Variants in LRRTM4 observed in about 807,000 individuals in gnomAD.
LRRTM4 encodes leucine-rich repeat transmembrane neuronal protein 4.
LRRTM4 carries 25 observed loss-of-function variants against 47.6 expected under a neutral mutation model. That is an observed-to-expected ratio of 0.53 (90% CI 0.38 to 0.73). LRRTM4 has a LOEUF of 0.73. Among genes scored for constraint, LRRTM4 ranks in the 30% least tolerant of loss-of-function variants. The pLI, the probability that LRRTM4 is intolerant of heterozygous loss-of-function variation, is 0.00. For missense variants in LRRTM4, 638 were observed against 713.4 expected, an observed-to-expected ratio of 0.89 and a Z score of 1.20; for synonymous variants, 311 against 269.5, an observed-to-expected ratio of 1.15 and a Z score of -1.51.
intron 3 of LRRTM4, among the ~76,000 whole-genome samples, chr2:76,932,908 A>G (rs1480787401): frequency 6.6e-6 from 1 of 152,128 alleles, no homozygotes; most frequent in Non-Finnish European, 1.5e-5. Flanking sequence ...GGTTTGTTAC[A>G]TAGGTATACA....
At chr2:77,039,118 T>G (rs1678941111) in intron 3 of LRRTM4, among the ~76,000 whole-genome samples, 1 of 151,268 alleles carries the variant, frequency 6.6e-6, no homozygotes, top group African/African-American at 2.4e-5. Context: ...AGTAATTAAT[T>G]TATAAAATGA....
At chr2:76,797,374 A>T (rs906697113) in intron 3 of LRRTM4, among the ~76,000 whole-genome samples, 2 of 152,090 alleles carry the variant, frequency 1.3e-5, no homozygotes, top group African/African-American at 4.8e-5. Context: ...TAAGCTTCAT[A>T]AGCGAATGAG....
chr2:77,472,477 T>C (rs975058543), intron 3 of LRRTM4, among the ~76,000 whole-genome samples: 6 of 152,116 alleles, frequency 3.9e-5, no homozygotes, highest in South Asian at 2.1e-4. Flanking sequence ...TGGACACTTA[T>C]AGAACATAAC....
intron 3 of LRRTM4, among the ~76,000 whole-genome samples, chr2:76,865,765 A>AT (rs1488108155): frequency 6.6e-6 from 1 of 152,202 alleles, no homozygotes; most frequent in African/African-American, 2.4e-5. Context: ...AGGACTACAC[A>AT]TTTAAATAAG....
intron 3 of LRRTM4, among the ~76,000 whole-genome samples, chr2:77,191,653 T>G (rs1673672363): frequency 6.6e-6 from 1 of 151,628 alleles, no homozygotes; most frequent in Admixed American, 6.6e-5. Context: ...AAAATGAAAA[T>G]TTTTCTAAAT....
At chr2:77,348,208 T>C (rs1671638061) in intron 3 of LRRTM4, among the ~76,000 whole-genome samples, 1 of 151,946 alleles carries the variant, frequency 6.6e-6, no homozygotes. Context: ...AAGTTGTATA[T>C]ACTGTTAAAC....
At chr2:77,255,739 C>T (rs1459181044) in intron 3 of LRRTM4, among the ~76,000 whole-genome samples, 1 of 151,960 alleles carries the variant, frequency 6.6e-6, no homozygotes. Flanking sequence ...AATGAAATTA[C>T]ATGTCAATAT....
intron 3 of LRRTM4, among the ~76,000 whole-genome samples, chr2:77,176,681 C>T (rs555878318): frequency 6.6e-6 from 1 of 152,122 alleles, no homozygotes; most frequent in Non-Finnish European, 1.5e-5. Context: ...ATAATAAACT[C>T]TTTTATCTAC....
chr2:77,119,222 T>G (rs1671464563), intron 3 of LRRTM4, among the ~76,000 whole-genome samples: 1 of 151,860 alleles, frequency 6.6e-6, no homozygotes, highest in Non-Finnish European at 1.5e-5. Context: ...CATCTTCTCT[T>G]TTCTTGAATT....
intron 3 of LRRTM4, among the ~76,000 whole-genome samples, chr2:76,834,515 C>G (rs942680141): frequency 6.6e-6 from 1 of 151,860 alleles, no homozygotes; most frequent in South Asian, 2.1e-4. Context: ...AGAAGTGTCT[C>G]CATCCCATTT....
Position 77,360,561 on chromosome 2 carries a change from CAT to C in LRRTM4, c.1551+157755_1551+157756del, listed in dbSNP as rs1352639067. 6.6e-3 allele frequency among the ~76,000 whole-genome samples: 986 copies of C among 148,918 alleles called. 11 individuals carry two copies. The highest frequency in any genetic ancestry group is 0.023 in the African/African-American group (923 of 40,592). On this transcript the variant is annotated intron_variant, in intron 3 of 3. Coordinates refer to ENST00000409884, the MANE Select transcript of LRRTM4 (RefSeq NM_001134745.3). ...CAATACAATCATTCATACATACATA[CAT>C]ACATACATACATACATACATACATA...
At chr2:76,875,296 A>T (rs1373388065) in intron 3 of LRRTM4, among the ~76,000 whole-genome samples, 7 of 152,154 alleles carry the variant, frequency 4.6e-5, no homozygotes. Flanking sequence ...TTTCTACCAC[A>T]TCCTGATTTC....
chr2:77,093,534 CT>C (rs1670715640), intron 3 of LRRTM4, among the ~76,000 whole-genome samples: 1 of 151,924 alleles, frequency 6.6e-6, no homozygotes, highest in South Asian at 2.1e-4. Flanking sequence ...CACACCACCC[CT>C]AATCCCGCTT....
intron 3 of LRRTM4, among the ~76,000 whole-genome samples, chr2:77,242,213 T>C (rs1675287104): frequency 6.6e-6 from 1 of 152,156 alleles, no homozygotes; most frequent in Non-Finnish European, 1.5e-5. Context: ...GCATTGCATA[T>C]GTAGATTTCT....
intron 3 of LRRTM4, among the ~76,000 whole-genome samples, chr2:77,093,527 A>G (rs1425269033): frequency 1.6e-4 from 25 of 151,678 alleles, no homozygotes; most frequent in Middle Eastern, 3.4e-3. Context: ...ACATTCCCAC[A>G]CCACCCCTAA....
intron 3 of LRRTM4, among the ~76,000 whole-genome samples, chr2:76,939,645 T>A (rs1675070056): frequency 6.6e-6 from 1 of 152,040 alleles, no homozygotes; most frequent in African/African-American, 2.4e-5. Flanking sequence ...GCTTCTCTAA[T>A]GACTATGCTA....
chr2:77,357,595 A>G (rs764225461), intron 3 of LRRTM4, among the ~76,000 whole-genome samples: 1 of 152,182 alleles, frequency 6.6e-6, no homozygotes, highest in Admixed American at 6.5e-5. Flanking sequence ...TGTTCACTCT[A>G]TGCTGGGAGC....
In LRRTM4 at chr2:77,518,418, T is replaced by A. The variant is rs764252128; in HGVS notation, c.1451A>T (p.Tyr484Phe). The change falls in exon 3 of 4, where the codon TAT (tyrosine) becomes TTT (phenylalanine). Residue 484 changes from tyrosine to phenylalanine, a missense_variant. Transcript: ENST00000409884. ...GTTTGTAGGCTTGTAGTCCACATAA[T>A]ACTCCTGTAAAGGGGAATTCATTTG... is the stretch of plus-strand genomic sequence containing the variant. ...ERQMNSPLQEYYVDYKPTNSE... is the reference protein window; with the variant it reads ...ERQMNSPLQEFYVDYKPTNSE... 6.2e-7 allele frequency: 1 copy of A among 1,613,066 alleles called. No homozygotes were observed. The highest frequency in any genetic ancestry group is 8.5e-7 in the Non-Finnish European group (1 of 1,179,534).
intron 3 of LRRTM4, among the ~76,000 whole-genome samples, chr2:77,056,824 C>G (rs1679623781): frequency 6.6e-6 from 1 of 152,172 alleles, no homozygotes; most frequent in African/African-American, 2.4e-5. Flanking sequence ...TCTCTAATTT[C>G]CCTTCACACC....
Sources: allele counts gnomAD v4.1 joint callset (sites outside exome capture counted in the v4.1 genomes callset), GRCh38; gene constraint gnomAD v4.1.1; transcripts MANE v1.5; gene names NCBI Gene and HGNC (gene_info 2026-07-23, HGNC 2026-07-21).